Variants in GNG7 observed in about 807,000 individuals in gnomAD.
GNG7 encodes guanine nucleotide-binding protein G(I)/G(S)/G(O) subunit gamma-7.
GNG7 carries 1 observed loss-of-function variant against 4.0 expected under a neutral mutation model. That is an observed-to-expected ratio of 0.25 (90% CI 0.09 to 1.18). GNG7 has a LOEUF of 1.18. Among genes scored for constraint, GNG7 ranks in the 50% most tolerant of loss-of-function variants. GNG7 has a pLI of 0.50. For missense variants in GNG7, 86 were observed against 91.9 expected (o/e 0.94, Z 0.26); for synonymous variants, 34 against 36.9 (o/e 0.92, Z 0.29).
chr19:2,696,332 A>AAG (rs1356093561), intron 1 of GNG7, among the ~76,000 whole-genome samples: 3 of 147,108 alleles, frequency 2.0e-5, no homozygotes, highest in Non-Finnish European at 4.5e-5. Context: ...GAAAGAAAGA[A>AAG]AGAAAGAAAG....
chr19:2,647,520 C>T (rs1177273661), intron 1 of GNG7, among the ~76,000 whole-genome samples: 1 of 152,096 alleles, frequency 6.6e-6, no homozygotes, highest in Admixed American at 6.6e-5. Flanking sequence ...CCCAGCGAGT[C>T]GCCCCATCTC....
At chr19:2,665,061 T>TG (rs1983270963) in intron 1 of GNG7, among the ~76,000 whole-genome samples, 1 of 151,500 alleles carries the variant, frequency 6.6e-6, no homozygotes, top group African/African-American at 2.4e-5. Flanking sequence ...CACCTTTAGT[T>TG]GGGGGGAGGG....
At chr19:2,525,971 ATTT>A (rs35639922) in intron 3 of GNG7, among the ~76,000 whole-genome samples, 6 of 75,682 alleles carry the variant, frequency 7.9e-5, no homozygotes, top group Admixed American at 1.9e-4. Context: ...CTCCACGCCA[ATTT>A]TTTTTTTTTT....
At chr19:2,545,165 A>G (rs1236484848) in intron 3 of GNG7, among the ~76,000 whole-genome samples, 7 of 150,628 alleles carry the variant, frequency 4.6e-5, no homozygotes, top group Non-Finnish European at 7.4e-5. Flanking sequence ...TCCGTCCCCC[A>G]GGGGACCCTG....
chr19:2,685,764 C>T (rs924055826), intron 1 of GNG7, among the ~76,000 whole-genome samples: 13 of 152,286 alleles, frequency 8.5e-5, no homozygotes, highest in Admixed American at 5.2e-4. Flanking sequence ...CGTCCGTGAC[C>T]GCCCGGTGTC....
chr19:2,688,686 G>T (rs533396083), intron 1 of GNG7, among the ~76,000 whole-genome samples: 8 of 152,096 alleles, frequency 5.3e-5, no homozygotes, highest in Non-Finnish European at 1.2e-4. Context: ...TAAATGTCAC[G>T]TGGGATTCTA....
chr19:2,523,519 C>A (rs1978320878), intron 3 of GNG7, among the ~76,000 whole-genome samples: 1 of 151,996 alleles, frequency 6.6e-6, no homozygotes, highest in African/African-American at 2.4e-5. Flanking sequence ...GAGACCCCAT[C>A]TCTGAATAAA....
intron 1 of GNG7, among the ~76,000 whole-genome samples, chr19:2,688,715 A>C (rs1913061611): frequency 6.6e-6 from 1 of 152,064 alleles, no homozygotes; most frequent in South Asian, 2.1e-4. Flanking sequence ...CTGGGGCAGG[A>C]AAGGACATTA....
At chr19:2,685,132 A>G (rs1398091265) in intron 1 of GNG7, among the ~76,000 whole-genome samples, 11 of 151,460 alleles carry the variant, frequency 7.3e-5, no homozygotes, top group African/African-American at 2.4e-4. Context: ...CTAAAAAAAA[A>G]AAAGAAAGAA....
chr19:2,557,170 A>C lies in GNG7; in HGVS notation c.-77-1982T>G, dbSNP rs567250278. On this transcript the variant is annotated intron_variant, in intron 2 of 4. Coordinates refer to ENST00000382159, the MANE Select transcript of GNG7 (RefSeq NM_052847.3). The surrounding 1 kb of genome is among the most constrained non-coding windows in gnomAD (Gnocchi z 5.1). ...CACATGCACACAAAGACACGCGCACACACGTACACACAAGACACGTGCACA... is the reference window on the plus strand; with the variant it reads ...CACATGCACACAAAGACACGCGCACCCACGTACACACAAGACACGTGCACA... 2.0e-5 allele frequency among the ~76,000 whole-genome samples: 3 copies of C among 151,668 alleles called. No homozygotes were observed. The highest frequency in any genetic ancestry group is 4.4e-5 in the Non-Finnish European group (3 of 67,892).
At chr19:2,567,348 T>TGTGTGTGTGTGTGTGTGTGTGA (rs1979952394) in intron 2 of GNG7, among the ~76,000 whole-genome samples, 1 of 151,738 alleles carries the variant, frequency 6.6e-6, no homozygotes, top group African/African-American at 2.4e-5. Flanking sequence ...TGTGTGTGTG[T>TGTGTGTGTGTGTGTGTGTGTGA]GTGACATAGG....
At chr19:2,541,207 G>A (rs951695814) in intron 3 of GNG7, among the ~76,000 whole-genome samples, 8 of 152,128 alleles carry the variant, frequency 5.3e-5, no homozygotes, top group Non-Finnish European at 7.4e-5. Flanking sequence ...GCGGTGGCTC[G>A]TGCCTGTAAT....
chr19:2,531,489 C>T lies in GNG7; in HGVS notation c.-37-10764G>A, dbSNP rs114127946. Among the ~76,000 whole-genome samples the T allele has an allele frequency of 7.0e-3, 1,068 of 152,138 alleles. 23 individuals carry two copies. The highest frequency in any genetic ancestry group is 0.023 in the African/African-American group (946 of 41,476). ...AAATCCCCTCTGGAGGAAAATAATA[C>T]GATCCCAGGCCTCAGATTATTTCTA... is the stretch of plus-strand genomic sequence containing the variant. On this transcript the variant is annotated intron_variant, in intron 3 of 4. Coordinates refer to ENST00000382159, the MANE Select transcript of GNG7 (RefSeq NM_052847.3).
Position 2,512,492 on chromosome 19 carries a change from G to T in GNG7, c.*2530C>A. On this transcript the variant is annotated 3_prime_UTR_variant, in exon 5 of 5. Transcript: ENST00000382159. This position sits in a 1 kb window ranked among gnomAD's most constrained non-coding sequence, Gnocchi z 4.7. ...CAGGGAACCCAAGGCCCTGTGGACA[G>T]TGAAGGAGAGGCCAGCCTGTCCTTC... 2.4e-6 allele frequency: 1 copy of T among 421,672 alleles called. No homozygotes were observed. Among genetic ancestry groups the T allele is most frequent in the Non-Finnish European group, 3.2e-6 (1 of 314,706 alleles). The allele number at this position is 421,672 out of a possible 1,614,324, so 26.1% of individuals were successfully genotyped here.
chr19:2,556,749 C>A (rs773321982), intron 2 of GNG7, among the ~76,000 whole-genome samples: 19 of 152,146 alleles, frequency 1.2e-4, no homozygotes, highest in Non-Finnish European at 2.5e-4. Flanking sequence ...TTCTCCTAAG[C>A]CAGGGTCTCT....
chr19:2,619,641 C>G lies in GNG7; in HGVS notation c.-78+26583G>C, dbSNP rs574335933. ...CAGTGTGGATGGACCTTGAGGACAT[C>G]ACACTCTATGAAAGGAGCCAGAGAC... On this transcript the variant is annotated intron_variant, in intron 2 of 4. Transcript: ENST00000382159. Among the ~76,000 whole-genome samples the G allele has an allele frequency of 5.3e-5, 8 of 152,254 alleles. No individual in the cohort carries two copies. In the East Asian group the frequency reaches 1.5e-3, roughly 29 times the overall value.
At chr19:2,673,320 TGAGTCTGAGAAGTGTCCCAGCA>T (rs1330036209) in intron 1 of GNG7, among the ~76,000 whole-genome samples, 1 of 144,252 alleles carries the variant, frequency 6.9e-6, no homozygotes, top group Non-Finnish European at 1.5e-5. Flanking sequence ...TCAAAACCAA[TGAGTCTGAGAAGTGTCCCAGCA>T]GAGTGTAAGG....
At chr19:2,580,308 T>C (rs923389097) in intron 2 of GNG7, among the ~76,000 whole-genome samples, 2 of 145,056 alleles carry the variant, frequency 1.4e-5, no homozygotes, top group African/African-American at 5.1e-5. Flanking sequence ...TTTTTTTTTT[T>C]GAGGCTGAGT....
chr19:2,638,932 T>C (rs1357396169), intron 2 of GNG7, among the ~76,000 whole-genome samples: 2 of 152,168 alleles, frequency 1.3e-5, no homozygotes, highest in African/African-American at 4.8e-5. Flanking sequence ...GAGATGCTCA[T>C]GTATAACAAA....
Sources: gnomAD v4.1 joint callset for allele counts (sites outside exome capture counted in the v4.1 genomes callset) on GRCh38, gnomAD v4.1.1 for gene constraint, Gnocchi (gnomAD v3.1) non-coding constraint, MANE v1.5 for transcripts, NCBI Gene and HGNC (gene_info 2026-07-23, HGNC 2026-07-21) for gene names.